ELFN1: variants seen among roughly 807,000 people sequenced by gnomAD.
The protein encoded by ELFN1 is extracellular leucine rich repeat and fibronectin type III domain containing 1, also known as protein ELFN1.
Under a neutral mutation model 7.6 loss-of-function variants are expected in ELFN1, and 6 were observed. The ratio of observed to expected loss-of-function variants is 0.79; its 90% confidence interval spans 0.43 to 1.56. The LOEUF is 1.56. Among genes scored for constraint, ELFN1 ranks in the 40% most tolerant of loss-of-function variants. ELFN1 has a pLI of 0.01. For missense variants in ELFN1, 1,169 were observed against 1,232.2 expected (o/e 0.95, Z 0.77); for synonymous variants, 657 against 588.1 (o/e 1.12, Z -1.70).
chr7:1,666,194 G>T (rs1778668528), upstream of ELFN1, among the ~76,000 whole-genome samples: 1 of 152,100 alleles, frequency 6.6e-6, no homozygotes, highest in African/African-American at 2.4e-5. The surrounding 1 kb of genome is among the most constrained non-coding windows in gnomAD (Gnocchi z 7.9). Flanking sequence ...TGAGGGGCAG[G>T]GGGCTGTCCG....
Position 1,744,605 on chromosome 7 carries a change from G to T in ELFN1, c.9G>T (p.Gly3=). The stretch of plus-strand genomic sequence containing the variant: ...CCTGCAGGGCGGTCCCGATGGCCGG[G>T]CGTGGGTGGGGCGCGCTGTGGGTGT... The part of the protein sequence containing the change: MA[G]RGWGALWVCV... Residue 3 remains glycine, a synonymous_variant, in exon 4 of 4, where the codon GGG becomes GGT. Coordinates refer to ENST00000424383, the MANE Select transcript of ELFN1 (RefSeq NM_001128636.4). 5 of 1,527,976 alleles carry T rather than the reference G, an allele frequency of 3.3e-6. No individual in the cohort carries two copies. Among genetic ancestry groups the T allele is most frequent in the Non-Finnish European group, 3.5e-6 (4 of 1,137,572 alleles). 94.7% of individuals were successfully genotyped at this position (1,527,976 alleles called of 1,614,324 possible).
At chr7:1,671,919 C>G (rs1361339147) in intron 1 of ELFN1, among the ~76,000 whole-genome samples, 3 of 152,158 alleles carry the variant, frequency 2.0e-5, no homozygotes, top group African/African-American at 7.2e-5. Context: ...CACTTGGGTC[C>G]CTCATTTTCC....
At chr7:1,716,441 CCCT>C (rs1277301549) in intron 3 of ELFN1, among the ~76,000 whole-genome samples, 1 of 152,242 alleles carries the variant, frequency 6.6e-6, no homozygotes, top group African/African-American at 2.4e-5. Context: ...CCCCCATCCT[CCCT>C]CCAGAGCCTT....
At chr7:1,694,103 G>T in intron 2 of ELFN1, 1 of 248,916 alleles carries the variant, frequency 4.0e-6, no homozygotes. Flanking sequence ...GAGAAACCGA[G>T]GCTTGAAGCA....
intron 1 of ELFN1, among the ~76,000 whole-genome samples, chr7:1,678,482 T>C (rs1778915371): frequency 6.6e-6 from 1 of 152,186 alleles, no homozygotes; most frequent in Admixed American, 6.5e-5. Flanking sequence ...GGCCGAGGCA[T>C]GGAGTGGGGA....
At chr7:1,675,975 C>G (rs1211568958) in intron 1 of ELFN1, among the ~76,000 whole-genome samples, 1 of 152,136 alleles carries the variant, frequency 6.6e-6, no homozygotes, top group African/African-American at 2.4e-5. Flanking sequence ...TGGGCGTGGA[C>G]TCTGGGCTGT....
intron 3 of ELFN1, among the ~76,000 whole-genome samples, chr7:1,709,725 G>A (rs2128587730): frequency 6.6e-6 from 1 of 152,374 alleles, no homozygotes; most frequent in South Asian, 2.1e-4. Context: ...GCAGGTTCTT[G>A]TCTGGAAAAA....
At chr7:1,743,610 G>A (rs1780691060) in intron 3 of ELFN1, among the ~76,000 whole-genome samples, 1 of 152,184 alleles carries the variant, frequency 6.6e-6, no homozygotes, top group East Asian at 1.9e-4. Context: ...CTCAGACCGA[G>A]ACCTGGCAGA....
upstream of ELFN1, among the ~76,000 whole-genome samples, chr7:1,666,408 G>A (rs1224709025): frequency 1.3e-5 from 2 of 151,968 alleles, no homozygotes; most frequent in Non-Finnish European, 2.9e-5. The surrounding 1 kb of genome is among the most constrained non-coding windows in gnomAD (Gnocchi z 7.9). Context: ...CGGGGCTCTG[G>A]ATGCGGCGCT....
At chr7:1,674,872 C>T (rs1778837374) in intron 1 of ELFN1, among the ~76,000 whole-genome samples, 1 of 152,148 alleles carries the variant, frequency 6.6e-6, no homozygotes, top group Non-Finnish European at 1.5e-5. Context: ...CGGGCCAGCC[C>T]AGCCATCACC....
intron 2 of ELFN1, among the ~76,000 whole-genome samples, chr7:1,696,896 C>G (rs183141387): frequency 2.6e-5 from 4 of 152,126 alleles, no homozygotes; most frequent in Admixed American, 6.5e-5. Context: ...TGGGATGACT[C>G]GAGCAAAGGA....
Position 1,735,422 on chromosome 7 carries a change from C to T in ELFN1, c.-293-8882C>T, listed in dbSNP as rs537805243. 9.9e-5 allele frequency among the ~76,000 whole-genome samples: 15 copies of T among 152,174 alleles called. No individual in the cohort carries two copies. Among genetic ancestry groups the T allele is most frequent in the African/African-American group, 2.2e-4 (9 of 41,534 alleles). On this transcript the variant is annotated intron_variant, in intron 3 of 3. Transcript: ENST00000424383. This position sits in a 1 kb window ranked among gnomAD's most constrained non-coding sequence, Gnocchi z 5.9. Reference sequence around the variant, plus strand: ...ACGTGGTGCAGGCAGCAGTCCCCTCCGTTCTACTCCCCAGCCCGGCCTCCT... The same window carrying T: ...ACGTGGTGCAGGCAGCAGTCCCCTCTGTTCTACTCCCCAGCCCGGCCTCCT...
rs117553105 is a variant in ELFN1, at chr7:1,700,436, C to T, written c.-455-8655C>T. 5.0e-3 allele frequency among the ~76,000 whole-genome samples: 761 copies of T among 152,320 alleles called. 1 individual carries two copies. The highest frequency in any genetic ancestry group is 8.0e-3 in the Non-Finnish European group (547 of 68,036). ...CTGGATTCGCCTGTTTCTGAACTTC[C>T]CATAAATGAAATCTTTGCATACTTC... On this transcript the variant is annotated intron_variant, in intron 2 of 3. Coordinates refer to ENST00000424383, the MANE Select transcript of ELFN1 (RefSeq NM_001128636.4).
At chr7:1,674,617 A>G (rs1262688026) in intron 1 of ELFN1, among the ~76,000 whole-genome samples, 1 of 152,072 alleles carries the variant, frequency 6.6e-6, no homozygotes, top group Non-Finnish European at 1.5e-5. Context: ...GAGAGGGGCC[A>G]TGACAGTGGA....
chr7:1,745,152 G>C lies in ELFN1; in HGVS notation c.556G>C (p.Glu186Gln). 6.5e-7 allele frequency: 1 copy of C among 1,550,020 alleles called. No homozygotes were observed. The highest frequency in any genetic ancestry group is 1.2e-5 in the South Asian group (1 of 84,062). ...FAGLAKLSVC[E>Q]LYSNPFYCSC... ...CGGCCTGGCCAAGCTGTCGGTGTGC[G>C]AGCTCTACAGCAACCCCTTCTACTG... Residue 186 changes from glutamate (E) to glutamine (Q), a missense_variant, in exon 4 of 4, where the codon GAG (glutamate) becomes CAG (glutamine). By Grantham distance (29) the Glu-to-Gln change is conservative. Coordinates refer to ENST00000424383, the MANE Select transcript of ELFN1 (RefSeq NM_001128636.4).
chr7:1,737,800 C>T (rs975995413), intron 3 of ELFN1, among the ~76,000 whole-genome samples: 3 of 152,298 alleles, frequency 2.0e-5, no homozygotes, highest in Non-Finnish European at 4.4e-5. Flanking sequence ...CCCTTCTCCA[C>T]CCTCCAGACA....
chr7:1,728,518 A>C (rs1780255340), intron 3 of ELFN1, among the ~76,000 whole-genome samples: 1 of 152,192 alleles, frequency 6.6e-6, no homozygotes, highest in African/African-American at 2.4e-5. Context: ...CCCTCACAGA[A>C]AGCCACTGCC....
chr7:1,746,303 C>T lies in ELFN1; in HGVS notation c.1707C>T (p.Ile569=). The change falls in exon 4 of 4, where the codon ATC becomes ATT. Residue 569 remains isoleucine (I), a synonymous_variant. Coordinates refer to ENST00000424383, the MANE Select transcript of ELFN1 (RefSeq NM_001128636.4). ...AKEVDKVNQI[I]NNCIDALKSE... Reference sequence around the variant, plus strand: ...AGGTGGACAAGGTCAACCAGATCATCAACAACTGCATCGACGCGCTCAAGT... The same window carrying T: ...AGGTGGACAAGGTCAACCAGATCATTAACAACTGCATCGACGCGCTCAAGT... The T allele has an allele frequency of 2.5e-6, 4 of 1,591,830 alleles. No individual in the cohort carries two copies. The highest frequency in any genetic ancestry group is 3.4e-6 in the Non-Finnish European group (4 of 1,170,296).
intron 1 of ELFN1, among the ~76,000 whole-genome samples, chr7:1,680,776 C>CT (rs1192921049): frequency 7.2e-6 from 1 of 139,394 alleles, no homozygotes; most frequent in African/African-American, 2.7e-5. Flanking sequence ...GAATCTCACT[C>CT]TGTTGCCTAG....
Sources: allele counts gnomAD v4.1 joint callset (sites outside exome capture counted in the v4.1 genomes callset), GRCh38; gene constraint gnomAD v4.1.1; non-coding constraint Gnocchi (gnomAD v3.1); transcripts MANE v1.5; gene names NCBI Gene and HGNC (gene_info 2026-07-23, HGNC 2026-07-21).